TMEM154: variants seen among roughly 807,000 people sequenced by gnomAD.
TMEM154 encodes the protein transmembrane protein 154.
TMEM154 carries 27 observed loss-of-function variants against 24.5 expected under a neutral mutation model. The observed-to-expected ratio is 1.10, with a 90% CI of 0.81 to 1.52. The LOEUF (loss-of-function observed/expected upper bound fraction) is 1.52, where lower values mean the gene tolerates loss of function less well. Ranked by LOEUF, TMEM154 falls within the 40% of genes most tolerant of loss-of-function variation. TMEM154 has a pLI of 0.00. For missense variants in TMEM154, 228 were observed against 213.4 expected (o/e 1.07, Z -0.43); for synonymous variants, 67 against 76.8 (o/e 0.87, Z 0.67).
At chr4:152,664,522 T>A (rs1473577804) in intron 1 of TMEM154, among the ~76,000 whole-genome samples, 1 of 152,156 alleles carries the variant, frequency 6.6e-6, no homozygotes, top group Admixed American at 6.5e-5. Context: ...GAATTTAAAG[T>A]AAAATTTTTT....
chr4:152,657,069 G>A (rs1728506553), intron 1 of TMEM154, among the ~76,000 whole-genome samples: 1 of 149,678 alleles, frequency 6.7e-6, no homozygotes. Flanking sequence ...ACTAAATCAA[G>A]CAGAAGGAAG....
At chr4:152,644,571 A>G (rs1752319261) in intron 3 of TMEM154, 129 bp from the exon 4 acceptor site, 3 of 878,494 alleles carry the variant, frequency 3.4e-6, no homozygotes, top group African/African-American at 3.4e-5. Flanking sequence ...TAAAGGAGCG[A>G]TCATTAACTT....
At chr4:152,661,291 TCTCTCTCTCTCTCTCTCTCTCTCTC>T (rs1728599354) in intron 1 of TMEM154, among the ~76,000 whole-genome samples, 1 of 56,504 alleles carries the variant, frequency 1.8e-5, no homozygotes, top group African/African-American at 5.8e-5. Context: ...TCTTTCTCTC[TCTCTCTCTCTCTCTCTCTCTCTCTC>T]TCTCTCTCTC....
At position 152,678,134 on chromosome 4, in the gene TMEM154, C is replaced by T. The variant is rs558433292; in HGVS notation, c.64+1736G>A. Among the ~76,000 whole-genome samples the T allele has an allele frequency of 9.2e-5, 14 of 151,800 alleles. No homozygotes were observed. In the South Asian group the frequency reaches 2.3e-3, roughly 25 times the overall value. ...TATAGGCAAGAGCCACGGAGGGGGACGACAACTGGAAGGAGGTGCCACTGG... is the reference window on the plus strand; with the variant it reads ...TATAGGCAAGAGCCACGGAGGGGGATGACAACTGGAAGGAGGTGCCACTGG... On this transcript the variant is annotated intron_variant, in intron 1 of 6. Coordinates refer to ENST00000304385, the MANE Select transcript of TMEM154 (RefSeq NM_152680.3).
At chr4:152,663,798 A>T (rs973351043) in intron 1 of TMEM154, among the ~76,000 whole-genome samples, 1 of 152,274 alleles carries the variant, frequency 6.6e-6, no homozygotes, top group African/African-American at 2.4e-5. Flanking sequence ...CTTGATAATA[A>T]ACTGCACAGT....
Position 152,625,206 on chromosome 4 carries a change from GC to G in TMEM154, c.*3339del, listed in dbSNP as rs1272352679. 1 of 152,226 alleles carries G rather than the reference GC, an allele frequency of 6.6e-6. No homozygotes were observed. Among genetic ancestry groups the G allele is most frequent in the African/African-American group, 2.4e-5 (1 of 41,450 alleles). The allele number at this position is 152,226 out of a possible 1,614,324, so 9.4% of individuals were successfully genotyped here. On this transcript the variant is annotated 3_prime_UTR_variant, in exon 7 of 7. Transcript: ENST00000304385. ...GCTAGAGCTGCGGTGATCAGCAGAAGCATCTGCCTGGCTGTCAATATCAAGG... is the reference window on the plus strand; with the variant it reads ...GCTAGAGCTGCGGTGATCAGCAGAAGATCTGCCTGGCTGTCAATATCAAGG...
chr4:152,648,206 G>T (rs895440899), intron 3 of TMEM154, among the ~76,000 whole-genome samples: 1 of 152,214 alleles, frequency 6.6e-6, no homozygotes, highest in African/African-American at 2.4e-5. Context: ...CTAGCAGGGG[G>T]GCGTGGTGGC....
chr4:152,664,791 T>G (rs2149788580), intron 1 of TMEM154, among the ~76,000 whole-genome samples: 1 of 152,326 alleles, frequency 6.6e-6, no homozygotes, highest in South Asian at 2.1e-4. Context: ...ATTTTATAGT[T>G]AAGATGGTAA....
intron 3 of TMEM154, among the ~76,000 whole-genome samples, chr4:152,648,340 C>T (rs1728307201): frequency 6.6e-6 from 1 of 151,948 alleles, no homozygotes; most frequent in African/African-American, 2.4e-5. Flanking sequence ...TTAAAAATGT[C>T]AAAAACTACT....
Position 152,636,400 on chromosome 4 carries a change from A to G in TMEM154, c.536+4528T>C, listed in dbSNP as rs566042432. Among the ~76,000 whole-genome samples the G allele has an allele frequency of 2.6e-5, 4 of 152,326 alleles. No individual in the cohort carries two copies. The East Asian group carries it at 5.8e-4, about 22-fold the overall frequency. On this transcript the variant is annotated intron_variant, in intron 6 of 6. Transcript: ENST00000304385. ...AAAAGATGCTAAGATGGAAAATAAG[A>G]ATATGAAACACTCCCCTCCCCCATG...
At position 152,620,158 on chromosome 4, in the gene TMEM154, T is replaced by G. The variant is rs1375882687; in HGVS notation, c.*8388A>C. On this transcript the variant is annotated 3_prime_UTR_variant, in exon 7 of 7. Coordinates refer to ENST00000304385, the MANE Select transcript of TMEM154 (RefSeq NM_152680.3). ...CCAGTCTGCTTGAATGTCTTTCCAA[T>G]TCTAGCACTAAACACACCTGTCTCT... 6.6e-6 allele frequency: 1 copy of G among 152,212 alleles called. No individual in the cohort carries two copies. 9.4% of individuals were successfully genotyped at this position (152,212 alleles called of 1,614,324 possible).
Position 152,625,209 on chromosome 4 carries a change from T to A in TMEM154, c.*3337A>T, listed in dbSNP as rs1256164570. 1.3e-5 allele frequency: 2 copies of A among 152,230 alleles called. No individual in the cohort carries two copies. The highest frequency in any genetic ancestry group is 2.9e-5 in the Non-Finnish European group (2 of 68,040). The allele number at this position is 152,230 out of a possible 1,614,324, so 9.4% of individuals were successfully genotyped here. A position where few individuals can be genotyped will look rare whatever the true frequency, so the allele number is the denominator to read the frequency against. ...AGAGCTGCGGTGATCAGCAGAAGCATCTGCCTGGCTGTCAATATCAAGGTG... is the reference window on the plus strand; with the variant it reads ...AGAGCTGCGGTGATCAGCAGAAGCAACTGCCTGGCTGTCAATATCAAGGTG... On this transcript the variant is annotated 3_prime_UTR_variant, in exon 7 of 7. Transcript: ENST00000304385.
At chr4:152,662,718 A>G (rs1297292808) in intron 1 of TMEM154, among the ~76,000 whole-genome samples, 1 of 152,174 alleles carries the variant, frequency 6.6e-6, no homozygotes, top group Non-Finnish European at 1.5e-5. Context: ...ACACTGACTA[A>G]GGCCCATAAT....
chr4:152,642,993 T>C (rs931297874), intron 5 of TMEM154, 95 bp downstream of exon 5: 20 of 918,410 alleles, frequency 2.2e-5, no homozygotes, highest in Non-Finnish European at 3.3e-5. Context: ...GGTTCTTCTG[T>C]CTCACTCCAG....
chr4:152,679,722 A>G (rs1729022682), intron 1 of TMEM154, 148 bp downstream of exon 1: 1 of 1,196,366 alleles, frequency 8.4e-7, no homozygotes, highest in African/African-American at 1.5e-5. Flanking sequence ...CACCCCCCAA[A>G]AAAAGGAGTT....
intron 1 of TMEM154, among the ~76,000 whole-genome samples, chr4:152,659,580 A>C (rs965588587): frequency 7.9e-5 from 12 of 152,248 alleles, no homozygotes; most frequent in African/African-American, 2.9e-4. Flanking sequence ...AAATACACTG[A>C]CTTAATCATT....
intron 1 of TMEM154, among the ~76,000 whole-genome samples, chr4:152,656,419 C>T (rs1410385687): frequency 6.6e-6 from 1 of 152,138 alleles, no homozygotes; most frequent in African/African-American, 2.4e-5. Context: ...TCCTAGTCCC[C>T]AGCAATACTT....
At chr4:152,651,575 G>A (rs1728383632) in intron 3 of TMEM154, among the ~76,000 whole-genome samples, 1 of 152,294 alleles carries the variant, frequency 6.6e-6, no homozygotes, top group African/African-American at 2.4e-5. Flanking sequence ...GTAGAATTAA[G>A]GAGAATTAAG....
chr4:152,676,323 G>T (rs969420418), intron 1 of TMEM154, among the ~76,000 whole-genome samples: 1 of 152,162 alleles, frequency 6.6e-6, no homozygotes, highest in African/African-American at 2.4e-5. Context: ...AGCTGGAAAG[G>T]TTCAACAACC....
Sources: allele counts gnomAD v4.1 joint callset (sites outside exome capture counted in the v4.1 genomes callset), GRCh38; gene constraint gnomAD v4.1.1; transcripts MANE v1.5; gene names NCBI Gene and HGNC (gene_info 2026-07-23, HGNC 2026-07-21).